MRTFA: variants seen among roughly 807,000 people sequenced by gnomAD.
MRTFA encodes myocardin-related transcription factor A.
In MRTFA, 20 loss-of-function variants were observed where a neutral mutation model predicts 83.5. The ratio of observed to expected loss-of-function variants is 0.24; its 90% CI spans 0.17 to 0.35. MRTFA has a LOEUF of 0.35. Ranked by LOEUF, MRTFA falls within the 10% of genes least tolerant of loss-of-function variation. The probability of loss-of-function intolerance (pLI) is 1.00; values close to 1 mark genes in which losing one functional copy is unlikely to be tolerated. For missense variants in MRTFA, 1,200 were observed against 1,224.7 expected, an observed-to-expected ratio of 0.98 and a Z score of 0.30; for synonymous variants, 659 against 541.2, an observed-to-expected ratio of 1.22 and a Z score of -3.02.
At chr22:40,462,679 C>T (rs1412702312) in intron 4 of MRTFA, among the ~76,000 whole-genome samples, 1 of 152,202 alleles carries the variant, frequency 6.6e-6, no homozygotes, top group Non-Finnish European at 1.5e-5. Context: ...CTTCTGCACC[C>T]ACTGAGCCCG....
intron 3 of MRTFA, among the ~76,000 whole-genome samples, chr22:40,542,770 A>G (rs1432799704): frequency 6.6e-6 from 1 of 152,226 alleles, no homozygotes; most frequent in Non-Finnish European, 1.5e-5. Flanking sequence ...AAAAAAGGCT[A>G]CTTATAAAAA....
In MRTFA at chr22:40,418,571, C is replaced by T. The variant is rs776113097; in HGVS notation, c.2167G>A (p.Val723Met). The change falls in exon 12 of 15, where the codon GTG (valine) becomes ATG (methionine). Residue 723 changes from valine to methionine, a missense_variant. Physicochemically the swap from Val to Met is conservative, Grantham distance 21. This residue lies in a region of MRTFA where 1,107 missense variants were observed against 1,041.8 expected (regional missense o/e 1.06). Transcript: ENST00000355630. ...TCAGGCTGCAAGGCTTCCTGCTTCA[C>T]CACCACGGACGGGGGCCCCGGGGCC... 5.1e-6 allele frequency: 8 copies of T among 1,558,064 alleles called. No homozygotes were observed. Among genetic ancestry groups the T allele is most frequent in the Non-Finnish European group, 6.9e-6 (8 of 1,158,584 alleles).
At chr22:40,630,368 G>C (rs1258466186) in intron 1 of MRTFA, among the ~76,000 whole-genome samples, 1 of 152,044 alleles carries the variant, frequency 6.6e-6, no homozygotes, top group Non-Finnish European at 1.5e-5. Context: ...GTGGTAGCTG[G>C]ATGACAGAGT....
intron 3 of MRTFA, among the ~76,000 whole-genome samples, chr22:40,505,612 TA>T (rs941689774): frequency 1.3e-5 from 2 of 152,214 alleles, no homozygotes; most frequent in African/African-American, 4.8e-5. Context: ...GTGAGGCCTT[TA>T]AAAGATGATT....
chr22:40,470,881 G>A (rs548066882), intron 3 of MRTFA, among the ~76,000 whole-genome samples: 3 of 151,200 alleles, frequency 2.0e-5, no homozygotes, highest in East Asian at 2.0e-4. Flanking sequence ...CCCGGGAGGC[G>A]GAGGTTACAG....
chr22:40,606,035 T>G (rs1199121830), intron 1 of MRTFA, among the ~76,000 whole-genome samples: 1 of 152,190 alleles, frequency 6.6e-6, no homozygotes, highest in Non-Finnish European at 1.5e-5. Flanking sequence ...TGATAAGGAA[T>G]GTGATTATAT....
Position 40,420,532 on chromosome 22 carries a change from C to A in MRTFA, c.1226G>T (p.Arg409Leu). The A allele has an allele frequency of 6.2e-7, 1 of 1,613,698 alleles. No homozygotes were observed. Among genetic ancestry groups the A allele is most frequent in the Non-Finnish European group, 8.5e-7 (1 of 1,180,010 alleles). Residue 409 changes from arginine to leucine, a missense_variant, in exon 11 of 15, where the codon CGC becomes CTC. Physicochemically the swap from Arg to Leu is moderately radical, Grantham distance 102. This residue lies in a region of MRTFA where 1,107 missense variants were observed against 1,041.8 expected (regional missense o/e 1.06). Coordinates refer to ENST00000355630, the MANE Select transcript of MRTFA (RefSeq NM_020831.6). ...GCTGCTATTGGTAGTGGAGAGGCTGCGTACTGGGGGGGTCCCGCTGCTTCC... is the reference window on the plus strand; with the variant it reads ...GCTGCTATTGGTAGTGGAGAGGCTGAGTACTGGGGGGGTCCCGCTGCTTCC...
chr22:40,511,027 G>C (rs1400359568), intron 3 of MRTFA, among the ~76,000 whole-genome samples: 5 of 152,118 alleles, frequency 3.3e-5, no homozygotes, highest in Admixed American at 2.6e-4. Flanking sequence ...TACCCCACAA[G>C]AAATGGAAGA....
intron 3 of MRTFA, among the ~76,000 whole-genome samples, chr22:40,540,119 C>G (rs893943387): frequency 2.0e-5 from 3 of 151,436 alleles, no homozygotes; most frequent in Non-Finnish European, 2.9e-5. Flanking sequence ...ATCATGTTGC[C>G]CAGGCTGCTC....
chr22:40,621,704 G>A (rs2056524954), intron 1 of MRTFA, among the ~76,000 whole-genome samples: 15 of 152,182 alleles, frequency 9.9e-5, no homozygotes, highest in Admixed American at 9.8e-4. Context: ...GGATAACTAT[G>A]AAAGCAGAAG....
At chr22:40,480,489 A>G (rs2054069869) in intron 3 of MRTFA, among the ~76,000 whole-genome samples, 1 of 152,104 alleles carries the variant, frequency 6.6e-6, no homozygotes, top group East Asian at 1.9e-4. Flanking sequence ...GAAAAAAGTG[A>G]TCTACATACT....
chr22:40,481,679 G>T (rs2054093331), intron 3 of MRTFA, among the ~76,000 whole-genome samples: 1 of 152,106 alleles, frequency 6.6e-6, no homozygotes, highest in Non-Finnish European at 1.5e-5. Context: ...CCATAAAAAT[G>T]ATCTGGAGAG....
chr22:40,519,338 A>G (rs1379562833), intron 3 of MRTFA: 4 of 1,039,262 alleles, frequency 3.8e-6, no homozygotes, highest in African/African-American at 3.3e-5. Context: ...TCTCACTTAG[A>G]GACTACCCTC....
chr22:40,521,054 A>T (rs2054857936), intron 3 of MRTFA, among the ~76,000 whole-genome samples: 1 of 151,984 alleles, frequency 6.6e-6, no homozygotes, highest in Non-Finnish European at 1.5e-5. Flanking sequence ...TCATGTATAA[A>T]CTTTTCATTC....
At chr22:40,618,735 A>C (rs1215108327) in intron 1 of MRTFA, among the ~76,000 whole-genome samples, 1 of 152,060 alleles carries the variant, frequency 6.6e-6, no homozygotes, top group East Asian at 1.9e-4. Flanking sequence ...AAGCCAAGGC[A>C]GGCAGATCAC....
chr22:40,514,843 ATAG>A (rs1569306177), intron 3 of MRTFA, among the ~76,000 whole-genome samples: 1 of 151,740 alleles, frequency 6.6e-6, no homozygotes, highest in Non-Finnish European at 1.5e-5. Flanking sequence ...CTTTGGAGAA[ATAG>A]TTGGGTTGAA....
At chr22:40,484,976 G>A (rs1019105943) in intron 3 of MRTFA, among the ~76,000 whole-genome samples, 3 of 151,978 alleles carry the variant, frequency 2.0e-5, no homozygotes, top group Non-Finnish European at 4.4e-5. Context: ...GGAGGCTGAG[G>A]CAGGAGAATC....
At chr22:40,498,910 T>G (rs576096499) in intron 3 of MRTFA, among the ~76,000 whole-genome samples, 1 of 152,182 alleles carries the variant, frequency 6.6e-6, no homozygotes, top group Non-Finnish European at 1.5e-5. Context: ...AAAGATAATA[T>G]GACCAAATTT....
At chr22:40,463,391 G>T in intron 3 of MRTFA, 105 bp from the exon 4 acceptor site, 1 of 942,924 alleles carries the variant, frequency 1.1e-6, no homozygotes, top group South Asian at 1.4e-5. Flanking sequence ...GAAGGATGTA[G>T]TGTGAAAGAA....
Sources: gnomAD v4.1 joint callset for allele counts (sites outside exome capture counted in the v4.1 genomes callset) on GRCh38, gnomAD v4.1.1 for gene constraint, gnomAD v4.1.1 regional missense constraint, MANE v1.5 for transcripts, NCBI Gene and HGNC (gene_info 2026-07-23, HGNC 2026-07-21) for gene names.